The following TBC1D8 variants were observed in gnomAD, a reference collection of about 807,000 sequenced individuals.
The protein encoded by TBC1D8 is BUB2-like protein 1.
A neutral mutation model predicts 118.8 loss-of-function variants in TBC1D8; 65 were observed. That is an observed-to-expected ratio of 0.55 (90% confidence interval 0.45 to 0.67). The LOEUF is 0.67. TBC1D8 is among the 30% of genes least tolerant of loss of function. The probability of loss-of-function intolerance (pLI) is 0.00; values close to 1 mark genes in which losing one functional copy is unlikely to be tolerated. For missense variants in TBC1D8, 1,376 were observed against 1,471.2 expected, an observed-to-expected ratio of 0.94 and a Z score of 1.06; for synonymous variants, 566 against 595.8, an observed-to-expected ratio of 0.95 and a Z score of 0.73.
chr2:101,022,146 A>C, intron 16 of TBC1D8, 135 bp downstream of exon 16: 1 of 1,431,400 alleles, frequency 7.0e-7, no homozygotes, highest in African/African-American at 1.4e-5. Flanking sequence ...GATATTTCAA[A>C]ATCATAAGTT....
At chr2:101,034,464 C>G (rs761210986) in intron 9 of TBC1D8, among the ~76,000 whole-genome samples, 2 of 152,222 alleles carry the variant, frequency 1.3e-5, no homozygotes, top group Non-Finnish European at 2.9e-5. Flanking sequence ...ACTCTGAAGT[C>G]AGGTCTGAGA....
chr2:101,103,698 CT>C (rs1320657774), intron 1 of TBC1D8, among the ~76,000 whole-genome samples: 1 of 152,074 alleles, frequency 6.6e-6, no homozygotes, highest in East Asian at 1.9e-4. Flanking sequence ...GGCCAGAACT[CT>C]TTAACTTGAT....
At chr2:101,138,356 A>T (rs999779776) in intron 1 of TBC1D8, among the ~76,000 whole-genome samples, 2 of 152,200 alleles carry the variant, frequency 1.3e-5, no homozygotes, top group South Asian at 2.1e-4. Flanking sequence ...ATGTATGGGG[A>T]GTTTTCCCAT....
intron 2 of TBC1D8, among the ~76,000 whole-genome samples, chr2:101,061,644 A>G (rs1264867192): frequency 6.6e-6 from 1 of 152,104 alleles, no homozygotes; most frequent in Non-Finnish European, 1.5e-5. Flanking sequence ...CACTTAGTCA[A>G]TGACCCTGCC....
intron 17 of TBC1D8, 21 bp from the exon 18 acceptor site, chr2:101,011,561 T>A: frequency 6.2e-7 from 1 of 1,613,328 alleles, no homozygotes; most frequent in Non-Finnish European, 8.5e-7. Context: ...GATGAGAGGT[T>A]TAAATTAAAC....
In TBC1D8 at chr2:101,050,543, G is replaced by C; in HGVS notation, c.730C>G (p.Arg244Gly). The change falls in exon 5 of 20, where the codon CGT (arginine) becomes GGT (glycine). Residue 244 changes from arginine (R) to glycine (G), a missense_variant. Coordinates refer to ENST00000409318, the MANE Select transcript of TBC1D8 (RefSeq NM_001330348.2). ...AGGTTCAGGAACATGGAGAAGTCAC[G>C]CTCCTTATTCTGCGTGGTGATTCGG... ...TIRITTQNKERDFSMFLNLDE... is the reference protein window; with the variant it reads ...TIRITTQNKEGDFSMFLNLDE... 3 of 1,613,972 alleles carry C rather than the reference G, an allele frequency of 1.9e-6. No homozygotes were observed. In the South Asian group the frequency reaches 3.3e-5, roughly 18 times the overall value.
intron 17 of TBC1D8, chr2:101,019,266 T>A: frequency 2.3e-6 from 1 of 429,322 alleles, no homozygotes; most frequent in South Asian, 6.3e-5. Flanking sequence ...AAGAGAATTC[T>A]TTAGGCACAC....
chr2:101,129,576 G>A (rs748397063), intron 1 of TBC1D8, among the ~76,000 whole-genome samples: 1 of 152,212 alleles, frequency 6.6e-6, no homozygotes, highest in Non-Finnish European at 1.5e-5. Context: ...AAGGCAGCCA[G>A]GAACACCCAC....
At chr2:101,111,456 T>C (rs1331576928) in intron 1 of TBC1D8, among the ~76,000 whole-genome samples, 1 of 152,204 alleles carries the variant, frequency 6.6e-6, no homozygotes, top group East Asian at 1.9e-4. Flanking sequence ...CACGAATGCC[T>C]GAGTGTGTGC....
At chr2:101,089,805 A>C (rs1675896360) in intron 2 of TBC1D8, among the ~76,000 whole-genome samples, 1 of 152,082 alleles carries the variant, frequency 6.6e-6, no homozygotes, top group African/African-American at 2.4e-5. Context: ...AAGATTAAGA[A>C]GAAAATGGCT....
At chr2:101,010,016 C>T (rs143377131) in intron 19 of TBC1D8, among the ~76,000 whole-genome samples, 66 of 151,790 alleles carry the variant, frequency 4.3e-4, no homozygotes, top group African/African-American at 1.5e-3. Context: ...TTAGTAGAGA[C>T]GGGGTTTCAC....
At position 101,071,455 on chromosome 2, in the gene TBC1D8, A is replaced by G. The variant is rs568859290; in HGVS notation, c.284-11916T>C. 2.6e-5 allele frequency among the ~76,000 whole-genome samples: 4 copies of G among 152,376 alleles called. No homozygotes were observed. The East Asian group carries it at 7.7e-4, about 29-fold the overall frequency. On this transcript the variant is annotated intron_variant, in intron 2 of 19. Coordinates refer to ENST00000409318, the MANE Select transcript of TBC1D8 (RefSeq NM_001330348.2). ...GAGGCTAGAAATGTGATCATTCTTT[A>G]GTTAATTGTTATTGACTGGTAGGTG...
At chr2:101,109,816 T>C in intron 1 of TBC1D8, 1 of 985,454 alleles carries the variant, frequency 1.0e-6, no homozygotes, top group Non-Finnish European at 1.2e-6. Flanking sequence ...TTTTTAAAAA[T>C]ACTACATCAT....
intron 1 of TBC1D8, among the ~76,000 whole-genome samples, chr2:101,128,582 C>T (rs2309997): frequency 0.13 from 19,770 of 152,250 alleles, 1,441 homozygotes; most frequent in East Asian, 0.28. Context: ...CCAGCAATTC[C>T]ACTTCTGGGT....
chr2:101,142,318 T>C (rs999264489), intron 1 of TBC1D8, among the ~76,000 whole-genome samples: 2 of 152,188 alleles, frequency 1.3e-5, no homozygotes, highest in Non-Finnish European at 1.5e-5. Context: ...CTGACCCACA[T>C]TGAATATACA....
chr2:101,073,016 T>C (rs1031430721), intron 2 of TBC1D8, among the ~76,000 whole-genome samples: 2 of 152,212 alleles, frequency 1.3e-5, no homozygotes, highest in African/African-American at 4.8e-5. Context: ...AGATGTGCTG[T>C]CATGCAGGCT....
intron 12 of TBC1D8, 65 bp downstream of exon 12, chr2:101,029,426 C>T: frequency 1.3e-6 from 2 of 1,544,476 alleles, no homozygotes; most frequent in East Asian, 2.3e-5. Flanking sequence ...CACCGATAGC[C>T]CTGCTGGGCA....
In TBC1D8 at chr2:101,128,861, T is replaced by C. The variant is rs557858587; in HGVS notation, c.127+22266A>G. Among the ~76,000 whole-genome samples, 18 of 152,292 alleles carry C rather than the reference T, an allele frequency of 1.2e-4. No individual in the cohort carries two copies. In the East Asian group the frequency reaches 3.5e-3, roughly 29 times the overall value. On this transcript the variant is annotated intron_variant, in intron 1 of 19. Transcript: ENST00000409318. ...CAAATACCGTGTGATTCTAATTATATGAGGAACTTGGGATAGTCAAATTCA... is the reference window on the plus strand; with the variant it reads ...CAAATACCGTGTGATTCTAATTATACGAGGAACTTGGGATAGTCAAATTCA...
At chr2:101,143,849 C>A (rs537186705) in intron 1 of TBC1D8, among the ~76,000 whole-genome samples, 1 of 152,354 alleles carries the variant, frequency 6.6e-6, no homozygotes, top group East Asian at 1.9e-4. Flanking sequence ...GCGTGAGCCC[C>A]CTTGCCCGGC....
Sources: allele counts gnomAD v4.1 joint callset (sites outside exome capture counted in the v4.1 genomes callset), GRCh38; gene constraint gnomAD v4.1.1; transcripts MANE v1.5; gene names NCBI Gene and HGNC (gene_info 2026-07-23, HGNC 2026-07-21).